The following FANCC variants were observed in gnomAD, a reference collection of about 807,000 sequenced individuals.
The protein encoded by FANCC is Fanconi anemia group C protein.
FANCC carries 55 observed loss-of-function variants against 71.3 expected under a neutral mutation model. That is an observed-to-expected ratio of 0.77 (90% CI 0.62 to 0.97). The LOEUF (loss-of-function observed/expected upper bound fraction) is 0.97, where lower values mean the gene tolerates loss of function less well. Ranked by LOEUF, FANCC falls within the 50% of genes least tolerant of loss-of-function variation. The pLI, the probability that FANCC is intolerant of heterozygous loss-of-function variation, is 0.00. For missense variants in FANCC, 678 were observed against 670.9 expected, an observed-to-expected ratio of 1.01 and a Z score of -0.12; for synonymous variants, 275 against 244.9, an observed-to-expected ratio of 1.12 and a Z score of -1.15.
chr9:95,128,606 T>C (rs1272057961), intron 8 of FANCC, among the ~76,000 whole-genome samples: 1 of 152,166 alleles, frequency 6.6e-6, no homozygotes, highest in Non-Finnish European at 1.5e-5. Flanking sequence ...GGAAGACAGC[T>C]CTTACTCAGT....
At chr9:95,307,500 G>C (rs946671670) in intron 1 of FANCC, among the ~76,000 whole-genome samples, 2 of 152,168 alleles carry the variant, frequency 1.3e-5, no homozygotes, top group African/African-American at 2.4e-5. Context: ...CCTGATTAAT[G>C]CAGTAATTTC....
At chr9:95,123,575 C>T in intron 10 of FANCC, 1 of 574,144 alleles carries the variant, frequency 1.7e-6, no homozygotes, top group Non-Finnish European at 3.4e-6. Flanking sequence ...CGGCCACGTG[C>T]AGCCTATTTG....
chr9:95,108,279 G>A lies in FANCC; in HGVS notation c.1330-1010C>T, dbSNP rs55651673. Among the ~76,000 whole-genome samples, 568 of 152,338 alleles carry A rather than the reference G, an allele frequency of 3.7e-3. 2 individuals are homozygous for A. Among genetic ancestry groups the A allele is most frequent in the African/African-American group, 0.013 (554 of 41,584 alleles). ...CCATCGGGCTCTTCCACGGGGAGCG[G>A]CAGCGCTCCAGCAGGGCAGGCCTCA... On this transcript the variant is annotated intron_variant, in intron 13 of 14. Transcript: ENST00000289081.
At chr9:95,228,007 T>C (rs962797255) in intron 4 of FANCC, among the ~76,000 whole-genome samples, 2 of 152,102 alleles carry the variant, frequency 1.3e-5, no homozygotes, top group African/African-American at 4.8e-5. Flanking sequence ...TCCAACAAAG[T>C]GTCTCTCCCT....
chr9:95,297,138 C>A (rs1037093354), intron 1 of FANCC, among the ~76,000 whole-genome samples: 1 of 152,108 alleles, frequency 6.6e-6, no homozygotes, highest in African/African-American at 2.4e-5. Flanking sequence ...TGGGGGCTCA[C>A]CAGGGGAACA....
intron 4 of FANCC, among the ~76,000 whole-genome samples, chr9:95,220,517 A>C (rs1829177778): frequency 6.6e-6 from 1 of 152,250 alleles, no homozygotes; most frequent in South Asian, 2.1e-4. Context: ...GCACATATAC[A>C]GCATGGAATA....
chr9:95,300,531 G>T (rs1834660843), intron 1 of FANCC, among the ~76,000 whole-genome samples: 1 of 151,370 alleles, frequency 6.6e-6, no homozygotes, highest in African/African-American at 2.4e-5. Flanking sequence ...GCTCAATGCA[G>T]CCTCCGACTC....
chr9:95,144,857 C>T (rs935482164), intron 7 of FANCC, among the ~76,000 whole-genome samples: 1 of 152,164 alleles, frequency 6.6e-6, no homozygotes, highest in Non-Finnish European at 1.5e-5. Context: ...AGCGCCGCGC[C>T]GCACGTTCAC....
chr9:95,270,523 TC>T (rs1294829882), intron 1 of FANCC, among the ~76,000 whole-genome samples: 1 of 152,254 alleles, frequency 6.6e-6, no homozygotes, highest in African/African-American at 2.4e-5. Flanking sequence ...ATCCTGATTC[TC>T]TAGTGCATAA....
Position 95,135,478 on chromosome 9 carries a change from T to G in FANCC, c.711A>C (p.Ser237=). 1 of 1,614,040 alleles carries G rather than the reference T, an allele frequency of 6.2e-7. No individual in the cohort carries two copies. The highest frequency in any genetic ancestry group is 8.5e-7 in the Non-Finnish European group (1 of 1,180,018). Residue 237 remains serine (S), a synonymous_variant, in exon 8 of 15, where the codon TCA becomes TCC. Coordinates refer to ENST00000289081, the MANE Select transcript of FANCC (RefSeq NM_000136.3). ...ILLKKISLPM[S]AVVCLWLRHL... is the part of the protein sequence containing the mutation. ...GCCGAAGCCAGAGGCAGACTACAGC[T>G]GACATGGGGAGAGAAATCTTCTTCC...
At chr9:95,173,275 G>A (rs942995532) in intron 4 of FANCC, among the ~76,000 whole-genome samples, 1 of 152,112 alleles carries the variant, frequency 6.6e-6, no homozygotes, top group Middle Eastern at 3.2e-3. Flanking sequence ...TGGCACCGAG[G>A]CGCCCAAAGT....
chr9:95,310,867 A>G (rs1554875180), intron 1 of FANCC, among the ~76,000 whole-genome samples: 1 of 152,232 alleles, frequency 6.6e-6, no homozygotes, highest in Non-Finnish European at 1.5e-5. Flanking sequence ...GGAAACAAGC[A>G]TATACACATA....
intron 1 of FANCC, among the ~76,000 whole-genome samples, chr9:95,259,587 C>A (rs1274979868): frequency 1.3e-5 from 2 of 152,170 alleles, no homozygotes. Context: ...ACCATAAAAA[C>A]CCTGGAAGAA....
At chr9:95,278,644 G>A (rs1833186669) in intron 1 of FANCC, among the ~76,000 whole-genome samples, 1 of 152,136 alleles carries the variant, frequency 6.6e-6, no homozygotes, top group Admixed American at 6.5e-5. Context: ...AAGCAATGAT[G>A]TGCACTACAT....
At chr9:95,270,049 T>C (rs922357750) in intron 1 of FANCC, among the ~76,000 whole-genome samples, 3 of 151,750 alleles carry the variant, frequency 2.0e-5, no homozygotes, top group Non-Finnish European at 4.4e-5. Context: ...GAGCACGGGG[T>C]TGGGGGTAAG....
intron 13 of FANCC, chr9:95,110,455 G>T: frequency 9.7e-7 from 1 of 1,028,282 alleles, no homozygotes; most frequent in South Asian, 4.6e-5. Context: ...TAAAGGGGAA[G>T]AAATAAAAAG....
At chr9:95,299,029 T>C (rs1181897856) in intron 1 of FANCC, among the ~76,000 whole-genome samples, 1 of 152,242 alleles carries the variant, frequency 6.6e-6, no homozygotes, top group Non-Finnish European at 1.5e-5. Context: ...ATTGCAGTCA[T>C]GTTCTTAAGC....
chr9:95,293,149 G>C (rs1452624400), intron 1 of FANCC: 1 of 1,612,838 alleles, frequency 6.2e-7, no homozygotes, highest in African/African-American at 1.3e-5. Context: ...ATCTTTTGAA[G>C]ACTCTTGTGG....
At chr9:95,284,911 C>T (rs973773533) in intron 1 of FANCC, among the ~76,000 whole-genome samples, 6 of 150,458 alleles carry the variant, frequency 4.0e-5, no homozygotes, top group Non-Finnish European at 7.4e-5. Context: ...CACAAACATA[C>T]GCATGCGCAC....
Sources: gnomAD v4.1 joint callset for allele counts (sites outside exome capture counted in the v4.1 genomes callset) on GRCh38, gnomAD v4.1.1 for gene constraint, MANE v1.5 for transcripts, NCBI Gene and HGNC (gene_info 2026-07-23, HGNC 2026-07-21) for gene names.